ALYREF: variants seen among roughly 807,000 people sequenced by gnomAD.
The protein encoded by ALYREF is Aly/REF export factor.
A neutral mutation model predicts 25.2 loss-of-function variants in ALYREF; 1 was observed. That is an observed-to-expected ratio of 0.04 (90% CI 0.01 to 0.19). The LOEUF (loss-of-function observed/expected upper bound fraction) is 0.19. Among genes scored for constraint, ALYREF ranks in the 10% least tolerant of loss-of-function variants. ALYREF has a pLI of 1.00. For missense variants in ALYREF, 328 were observed against 375.6 expected (o/e 0.87, Z 1.05); for synonymous variants, 193 against 153.5 (o/e 1.26, Z -1.90).
Position 81,888,139 on chromosome 17 carries a change from T to G in ALYREF, c.787A>C (p.Thr263Pro). ...CGGATTTGCTGGTCTGTTTAACTGG[T>G]GTCCATCTGAAACACAGAGGAGAAA... ...QLDAYNARMDTS is the reference protein window; with the variant it reads ...QLDAYNARMDPS Residue 263 changes from threonine to proline, a missense_variant, in exon 6 of 6, where the codon ACC (threonine) becomes CCC (proline). Thr to Pro is a conservative substitution (Grantham distance 38). Coordinates refer to ENST00000505490, the MANE Select transcript of ALYREF (RefSeq NM_005782.4). The surrounding 1 kb of genome is among the most constrained non-coding windows in gnomAD (Gnocchi z 5.8). 6.2e-7 allele frequency: 1 copy of G among 1,614,112 alleles called. No individual in the cohort carries two copies.
chr17:81,890,997 C>T (rs1317832368), intron 1 of ALYREF, 177 bp from the exon 2 acceptor site: 7 of 941,410 alleles, frequency 7.4e-6, no homozygotes, highest in Middle Eastern at 3.2e-4. Context: ...ACGGTCCCAC[C>T]GCGGCCGCAC....
intron 2 of ALYREF, chr17:81,889,669 T>C: frequency 4.1e-6 from 1 of 244,280 alleles, no homozygotes; most frequent in Non-Finnish European, 8.3e-6. Context: ...CAAGAAACGG[T>C]AAAGGCCAAA....
rs1385335463 is a variant in ALYREF at position 81,889,232 on chromosome 17, T to G, written c.488A>C (p.Lys163Thr). The G allele has an allele frequency of 6.2e-7, 1 of 1,614,230 alleles. No individual in the cohort carries two copies. Residue 163 changes from lysine (K) to threonine (T), a missense_variant, in exon 3 of 6, where the codon AAG becomes ACG. Physicochemically the swap from Lys to Thr is moderately conservative, Grantham distance 78. Around this residue, in one of 3 missense-constraint regions of ALYREF, gnomAD observed 70 missense variants for 129.9 expected, o/e 0.54. Transcript: ENST00000505490. ...LGTADVHFER[K>T]ADALKAMKQY... ...CTTCATGGCCTTCAGGGCATCTGCC[T>G]TCCGCTCAAAGTGCACGTCTGCTGT...
At chr17:81,891,196 G>A (rs1183564511) in intron 1 of ALYREF, 127 bp downstream of exon 1, 4 of 245,220 alleles carry the variant, frequency 1.6e-5, no homozygotes, top group African/African-American at 2.0e-4. Flanking sequence ...CGCACCCTCC[G>A]GACCTCCGGG....
chr17:81,887,984 A>G lies in ALYREF; in HGVS notation c.*147T>C. 1.1e-6 allele frequency: 1 copy of G among 942,776 alleles called. No individual in the cohort carries two copies. 58.4% of individuals were successfully genotyped at this position (942,776 alleles called of 1,614,324 possible). On this transcript the variant is annotated 3_prime_UTR_variant, in exon 6 of 6. Transcript: ENST00000505490. ...AAAAAAAAAAAAAAAGAAAAAAAAA[A>G]AACCTTTACATGAGTTTTTAAATCC...
In ALYREF at chr17:81,888,810, T is replaced by C. The variant is rs1268181315; in HGVS notation, c.539-227A>G. 3.5e-6 allele frequency: 5 copies of C among 1,424,696 alleles called. No homozygotes were observed. In the East Asian group the frequency reaches 7.6e-5, roughly 22 times the overall value. The allele number at this position is 1,424,696 out of a possible 1,614,324, so 88.3% of individuals were successfully genotyped here. ...TCTCAGTCCAGACTAGGTGGGCTGC[T>C]CGCTGAGGTATCGGGGTGCTCGTGG... is the stretch of plus-strand genomic sequence containing the variant. On this transcript the variant is annotated intron_variant, in intron 3 of 5. Coordinates refer to ENST00000505490, the MANE Select transcript of ALYREF (RefSeq NM_005782.4). This position sits in a 1 kb window ranked among gnomAD's most constrained non-coding sequence, Gnocchi z 5.8.
Position 81,888,571 on chromosome 17 carries a change from T to C in ALYREF, c.551A>G (p.Asn184Ser). ...NGVPLDGRPMNIQLVTSQIDA... is the reference protein window; with the variant it reads ...NGVPLDGRPMSIQLVTSQIDA... ...AATCTGTGACGTGACAAGCTGAATG[T>C]TCATGGGGCGGCCTGCGGCAAAGAA... Residue 184 changes from asparagine (N) to serine (S), a missense_variant, in exon 4 of 6, where the codon AAC (asparagine) becomes AGC (serine). Coordinates refer to ENST00000505490, the MANE Select transcript of ALYREF (RefSeq NM_005782.4). This position sits in a 1 kb window ranked among gnomAD's most constrained non-coding sequence, Gnocchi z 5.8. The C allele has an allele frequency of 6.3e-7, 1 of 1,593,702 alleles. No homozygotes were observed. The highest frequency in any genetic ancestry group is 8.6e-7 in the Non-Finnish European group (1 of 1,169,274).
chr17:81,890,567 G>A (rs1047186050), intron 2 of ALYREF, 122 bp downstream of exon 2: 12 of 1,445,658 alleles, frequency 8.3e-6, no homozygotes, highest in Admixed American at 4.1e-5. Context: ...CTGTCCTGCA[G>A]CCCTTCAGAG....
intron 2 of ALYREF, among the ~76,000 whole-genome samples, chr17:81,890,323 T>C (rs1302214717): frequency 2.6e-5 from 4 of 152,110 alleles, no homozygotes; most frequent in Non-Finnish European, 5.9e-5. Context: ...AAGAAGATTC[T>C]TTTTCTCACA....
At chr17:81,889,398 G>C in intron 2 of ALYREF, 69 bp from the exon 3 acceptor site, 1 of 1,573,198 alleles carries the variant, frequency 6.4e-7, no homozygotes, top group Non-Finnish European at 8.7e-7. Flanking sequence ...CCCAGGGACA[G>C]GCCCTGGAAG....
chr17:81,891,141 G>C, intron 1 of ALYREF, 182 bp downstream of exon 1: 1 of 597,456 alleles, frequency 1.7e-6, no homozygotes. Flanking sequence ...ACCGGACCCC[G>C]AAAGAACGAC....
Position 81,888,618 on chromosome 17 carries a change from G to T in ALYREF, c.539-35C>A, listed in dbSNP as rs781546051. On this transcript the variant is annotated intron_variant, in intron 3 of 5. Transcript: ENST00000505490. The surrounding 1 kb of genome is among the most constrained non-coding windows in gnomAD (Gnocchi z 5.8). ...AGAATACGAGAAGGCACGTTCTATT[G>T]AGAGGCTCTGAAACCCACCCAGCTG... 6.4e-7 allele frequency: 1 copy of T among 1,567,046 alleles called. No homozygotes were observed. Among genetic ancestry groups the T allele is most frequent in the Admixed American group, 1.9e-5 (1 of 52,680 alleles).
rs2039504297 is a variant in ALYREF, at chr17:81,890,695, A to G, written c.384T>C (p.Asp128=). The G allele has an allele frequency of 6.2e-7, 1 of 1,613,734 alleles. No individual in the cohort carries two copies. The highest frequency in any genetic ancestry group is 8.5e-7 in the Non-Finnish European group (1 of 1,179,960). Residue 128 remains aspartate (D), a synonymous_variant, in exon 2 of 6, where the codon GAT becomes GAC. Transcript: ENST00000505490. ...SNLDFGVSDA[D]IQELFAEFGT... ...AGAAGCCCTCGTCTCTTACCTGAAT[A>G]TCGGCGTCTGAGACTCCAAAATCCA... is the stretch of plus-strand genomic sequence containing the variant.
rs756891793 is a variant in ALYREF at position 81,889,345 on chromosome 17, A to G, written c.391-16T>C. On this transcript the variant is annotated splice_polypyrimidine_tract_variant and intron_variant, in intron 2 of 5. Transcript: ENST00000505490. ...CAAAGAGTTCCTGGGAGTTGCAGAG[A>G]GCAGTTGTCAGAAAAGCAACAAAAC... 6 of 1,609,754 alleles carry G rather than the reference A, an allele frequency of 3.7e-6. No individual in the cohort carries two copies. Among genetic ancestry groups the G allele is most frequent in the Non-Finnish European group, 5.1e-6 (6 of 1,176,312 alleles).
At chr17:81,890,638 G>C (rs1235705361) in intron 2 of ALYREF, 51 bp downstream of exon 2, 2 of 1,593,846 alleles carry the variant, frequency 1.3e-6, no homozygotes, top group African/African-American at 2.7e-5. Context: ...CCAAAATCAC[G>C]ATCCGTCCTG....
At position 81,888,681 on chromosome 17, in the gene ALYREF, G is replaced by A. The variant is rs943479517; in HGVS notation, c.539-98C>T. The stretch of plus-strand genomic sequence containing the variant: ...GGTCTCCATGCAAACACTGGAAAGG[G>A]CCTCTGTGCGTCTCAAATGCCCCCG... On this transcript the variant is annotated intron_variant, in intron 3 of 5. Coordinates refer to ENST00000505490, the MANE Select transcript of ALYREF (RefSeq NM_005782.4). This position sits in a 1 kb window ranked among gnomAD's most constrained non-coding sequence, Gnocchi z 5.8. 3 of 1,524,056 alleles carry A rather than the reference G, an allele frequency of 2.0e-6. No individual in the cohort carries two copies. The highest frequency in any genetic ancestry group is 1.2e-5 in the South Asian group (1 of 81,742). The allele number at this position is 1,524,056 out of a possible 1,614,324, so 94.4% of individuals were successfully genotyped here. A position where few individuals can be genotyped will look rare whatever the true frequency, so the allele number is the denominator to read the frequency against.
Position 81,887,929 on chromosome 17 carries a change from C to G in ALYREF, c.*202G>C. On this transcript the variant is annotated 3_prime_UTR_variant, in exon 6 of 6. Coordinates refer to ENST00000505490, the MANE Select transcript of ALYREF (RefSeq NM_005782.4). ...CCAGTAAAATTTATCCCAAAAATAA[C>G]TCGGTACAAAACAGGTCTGTTTCAG... The G allele has an allele frequency of 1.7e-6, 1 of 576,114 alleles. No homozygotes were observed. Among genetic ancestry groups the G allele is most frequent in the South Asian group, 3.6e-5 (1 of 28,056 alleles). 35.7% of individuals were successfully genotyped at this position (576,114 alleles called of 1,614,324 possible). A position where few individuals can be genotyped will look rare whatever the true frequency, so the allele number is the denominator to read the frequency against.
Position 81,889,294 on chromosome 17 carries a change from C to T in ALYREF, c.426G>A (p.Ala142=), listed in dbSNP as rs201802675. Residue 142 remains alanine (A), a synonymous_variant, in exon 3 of 6, where the codon GCG becomes GCA. Transcript: ENST00000505490. ...GACCAGAGCGATCATAGTGCACAGC[C>T]GCCTTCTTCAGCGTTCCAAATTCAG... ...LFAEFGTLKK[A]AVHYDRSGRS... The T allele has an allele frequency of 8.7e-5, 141 of 1,614,098 alleles. No homozygotes were observed. Among genetic ancestry groups the T allele is most frequent in the Middle Eastern group, 1.6e-4 (1 of 6,084 alleles).
Position 81,891,365 on chromosome 17 carries a change from C to T in ALYREF, c.216G>A (p.Ala72=). 2 of 1,151,664 alleles carry T rather than the reference C, an allele frequency of 1.7e-6. No individual in the cohort carries two copies. The highest frequency in any genetic ancestry group is 2.9e-5 in the South Asian group (1 of 34,368). 71.3% of individuals were successfully genotyped at this position (1,151,664 alleles called of 1,614,324 possible). A position where few individuals can be genotyped will look rare whatever the true frequency, so the allele number is the denominator to read the frequency against. ...GTCGGTTCCTGCCGCCTCCGCCGGC[C>T]GCGCCGCGGGCGATGGCCGGCCGGT... ...IRNRPAIARG[A]AGGGGRNRPA... Residue 72 remains alanine, a synonymous_variant, in exon 1 of 6, where the codon GCG becomes GCA. Transcript: ENST00000505490.
Sources: gnomAD v4.1 joint callset for allele counts (sites outside exome capture counted in the v4.1 genomes callset) on GRCh38, gnomAD v4.1.1 for gene constraint, gnomAD v4.1.1 regional missense constraint, Gnocchi (gnomAD v3.1) non-coding constraint, MANE v1.5 for transcripts, NCBI Gene and HGNC (gene_info 2026-07-23, HGNC 2026-07-21) for gene names.